GTF3C1: variants seen among roughly 807,000 people sequenced by gnomAD.
The protein encoded by GTF3C1 is general transcription factor 3C polypeptide 1.
GTF3C1 carries 57 observed loss-of-function variants against 226.7 expected under a neutral mutation model. The observed-to-expected ratio is 0.25, with a 90% confidence interval of 0.20 to 0.31. GTF3C1 has a LOEUF of 0.31. Ranked by LOEUF, GTF3C1 falls within the 10% of genes least tolerant of loss-of-function variation. The probability of loss-of-function intolerance (pLI) is 1.00; values close to 1 mark genes in which losing one functional copy is unlikely to be tolerated. For synonymous variants in GTF3C1, 1,090 were observed against 1,084.8 expected (o/e 1.00, Z -0.09); for missense variants, 2,217 against 2,776.1 (o/e 0.80, Z 4.53).
chr16:27,529,431 ACT>A (rs1212762933), intron 5 of GTF3C1, among the ~76,000 whole-genome samples: 1 of 144,594 alleles, frequency 6.9e-6, no homozygotes, highest in Non-Finnish European at 1.5e-5. Context: ...ACAGAGTGAG[ACT>A]CTGTTTCAAA....
chr16:27,464,519 T>G lies in GTF3C1; in HGVS notation c.5673A>C (p.Ser1891=). 6.6e-7 allele frequency: 1 copy of G among 1,521,942 alleles called. No homozygotes were observed. The highest frequency in any genetic ancestry group is 1.3e-5 in the South Asian group (1 of 76,432). The allele number at this position is 1,521,942 out of a possible 1,614,324, so 94.3% of individuals were successfully genotyped here. The change falls in exon 34 of 37, where the codon TCA becomes TCC. Residue 1891 remains serine, a synonymous_variant. Transcript: ENST00000356183. ...CGGGCCCAAGGCTGGGGGCCAAATT[T>G]GAGTCCTGGAGCGCTGGCCTCTTGG... ...TPAKRPALQD[S]NLAPSLGPGA...
chr16:27,469,540 C>A lies in GTF3C1; in HGVS notation c.4825G>T (p.Asp1609Tyr). Residue 1609 changes from aspartate (D) to tyrosine (Y), a missense_variant, in exon 32 of 37, where the codon GAC (aspartate) becomes TAC (tyrosine). Transcript: ENST00000356183. The surrounding 1 kb of genome is among the most constrained non-coding windows in gnomAD (Gnocchi z 4.5). ...ENEVIKSLGK[D>Y]GSLEDDEDEE... Reference sequence around the variant, plus strand: ...TCCTCGTCATCCTCCAGGCTGCCGTCCTTCCCCAAGCTAGAAGGGAATTGT... The same window carrying A: ...TCCTCGTCATCCTCCAGGCTGCCGTACTTCCCCAAGCTAGAAGGGAATTGT... 1 of 1,610,582 alleles carries A rather than the reference C, an allele frequency of 6.2e-7. No individual in the cohort carries two copies. Among genetic ancestry groups the A allele is most frequent in the African/African-American group, 1.3e-5 (1 of 74,976 alleles).
At position 27,461,532 on chromosome 16, in the gene GTF3C1, G is replaced by A. The variant is rs765662754; in HGVS notation, c.6148C>T (p.Arg2050Cys). ...GLESLGCIRK[R>C]WLRKPRPVSL... ...ACAGGCCTTGGCTTTCTCAGCCAGCGCTTCCGGATGCAGCCGAGGGACTCC... is the reference window on the plus strand; with the variant it reads ...ACAGGCCTTGGCTTTCTCAGCCAGCACTTCCGGATGCAGCCGAGGGACTCC... The change falls in exon 37 of 37, where the codon CGC (arginine) becomes TGC (cysteine). Residue 2050 changes from arginine to cysteine, a missense_variant. Arg to Cys is a radical substitution (Grantham distance 180, BLOSUM62 -3). Coordinates refer to ENST00000356183, the MANE Select transcript of GTF3C1 (RefSeq NM_001520.4). This position sits in a 1 kb window ranked among gnomAD's most constrained non-coding sequence, Gnocchi z 5.3. The A allele has an allele frequency of 2.8e-5, 45 of 1,613,686 alleles. No homozygotes were observed. In the East Asian group the frequency reaches 3.8e-4, roughly 14 times the overall value.
intron 5 of GTF3C1, among the ~76,000 whole-genome samples, chr16:27,530,950 G>C (rs555024982): frequency 6.6e-6 from 1 of 152,254 alleles, no homozygotes; most frequent in Non-Finnish European, 1.5e-5. Flanking sequence ...ACCACGTCCT[G>C]TTAGTTTCAC....
intron 10 of GTF3C1, among the ~76,000 whole-genome samples, chr16:27,503,803 C>T (rs1485222002): frequency 6.6e-6 from 1 of 152,152 alleles, no homozygotes; most frequent in Non-Finnish European, 1.5e-5. Flanking sequence ...AAGTCAATGC[C>T]TTATGGTAGC....
At chr16:27,486,235 A>C (rs1336091863) in intron 23 of GTF3C1, 81 bp from the exon 24 acceptor site, 820 of 747,908 alleles carry the variant, frequency 1.1e-3, no homozygotes, top group East Asian at 6.6e-4. Flanking sequence ...CAGGTTCCCT[A>C]CCCAGCCAGT....
intron 5 of GTF3C1, among the ~76,000 whole-genome samples, chr16:27,528,945 C>T (rs928648856): frequency 6.6e-6 from 1 of 152,118 alleles, no homozygotes; most frequent in Non-Finnish European, 1.5e-5. Flanking sequence ...AGATTCGCTT[C>T]GCCAGATCCT....
Position 27,463,385 on chromosome 16 carries a change from G to A in GTF3C1, c.5924+156C>T, listed in dbSNP as rs1057022518. Reference sequence around the variant, plus strand: ...AGCACGCCTGCTGCTCGCCCACTGCGCCCCTCCAAGTACCCCTGCCAAGAA... The same window carrying A: ...AGCACGCCTGCTGCTCGCCCACTGCACCCCTCCAAGTACCCCTGCCAAGAA... On this transcript the variant is annotated intron_variant, in intron 35 of 36. Coordinates refer to ENST00000356183, the MANE Select transcript of GTF3C1 (RefSeq NM_001520.4). This position sits in a 1 kb window ranked among gnomAD's most constrained non-coding sequence, Gnocchi z 4.9. 2.0e-5 allele frequency: 13 copies of A among 663,678 alleles called. No homozygotes were observed. The highest frequency in any genetic ancestry group is 1.3e-4 in the African/African-American group (7 of 55,374). The allele number at this position is 663,678 out of a possible 1,614,324, so 41.1% of individuals were successfully genotyped here. A position where few individuals can be genotyped will look rare whatever the true frequency, so the allele number is the denominator to read the frequency against.
Position 27,494,842 on chromosome 16 carries a change from A to C in GTF3C1, c.2699T>G (p.Phe900Cys). 6.2e-7 allele frequency: 1 copy of C among 1,612,920 alleles called. No homozygotes were observed. The highest frequency in any genetic ancestry group is 8.5e-7 in the Non-Finnish European group (1 of 1,178,882). The change falls in exon 16 of 37, where the codon TTT (phenylalanine) becomes TGT (cysteine). Residue 900 changes from phenylalanine (F) to cysteine (C), a missense_variant. Physicochemically the swap from Phe to Cys is radical, Grantham distance 205 (BLOSUM62 -2). Around this residue, in one of 12 missense-constraint regions of GTF3C1, gnomAD observed 353 missense variants for 411.7 expected, o/e 0.86. Transcript: ENST00000356183. ...GATGTCGCTGACGAGAGCCCAGCCAAAGCCGAAGTCCCTGTGGACTGGGAT... is the reference window on the plus strand; with the variant it reads ...GATGTCGCTGACGAGAGCCCAGCCACAGCCGAAGTCCCTGTGGACTGGGAT... ...PPIPVHRDFG[F>C]GWALVSDILL...
Position 27,533,279 on chromosome 16 carries a change from C to G in GTF3C1, c.849+12G>C. On this transcript the variant is annotated intron_variant, in intron 5 of 36. Transcript: ENST00000356183. The stretch of plus-strand genomic sequence containing the variant: ...CACACCCAGCCCCGCCCGTGGGAAA[C>G]CCCAGGCTCACCAGCTCTTCCCTCA... The G allele has an allele frequency of 6.8e-7, 1 of 1,460,550 alleles. No homozygotes were observed. The highest frequency in any genetic ancestry group is 1.1e-5 in the South Asian group (1 of 88,090). The allele number at this position is 1,460,550 out of a possible 1,614,324, so 90.5% of individuals were successfully genotyped here. A position where few individuals can be genotyped will look rare whatever the true frequency, so the allele number is the denominator to read the frequency against.
chr16:27,503,058 A>C, intron 10 of GTF3C1, 63 bp from the exon 11 acceptor site: 1 of 1,314,860 alleles, frequency 7.6e-7, no homozygotes, highest in Non-Finnish European at 1.1e-6. Context: ...GCCACGCACC[A>C]CACCTGTGGG....
chr16:27,469,187 C>A lies in GTF3C1; in HGVS notation c.5074+104G>T, dbSNP rs1169645564. The A allele has an allele frequency of 3.3e-6, 4 of 1,206,676 alleles. No homozygotes were observed. Among genetic ancestry groups the A allele is most frequent in the Non-Finnish European group, 4.5e-6 (4 of 881,728 alleles). The allele number at this position is 1,206,676 out of a possible 1,614,324, so 74.7% of individuals were successfully genotyped here. A position where few individuals can be genotyped will look rare whatever the true frequency, so the allele number is the denominator to read the frequency against. On this transcript the variant is annotated intron_variant, in intron 32 of 36. Coordinates refer to ENST00000356183, the MANE Select transcript of GTF3C1 (RefSeq NM_001520.4). The surrounding 1 kb of genome is among the most constrained non-coding windows in gnomAD (Gnocchi z 4.5). ...TTTCTGTGTGTTCTGTGGCTGCACG[C>A]CTGGCCTGGGGAGCCTGAAGGTCTA... is the stretch of plus-strand genomic sequence containing the variant.
In GTF3C1 at chr16:27,462,075, C is replaced by T. The variant is rs966543823; in HGVS notation, c.6117+219G>A. The T allele has an allele frequency of 8.7e-6, 5 of 572,516 alleles. No individual in the cohort carries two copies. Among genetic ancestry groups the T allele is most frequent in the South Asian group, 2.2e-5 (1 of 44,476 alleles). The allele number at this position is 572,516 out of a possible 1,614,324, so 35.5% of individuals were successfully genotyped here. ...ACAGAGAAAGCATCAGAGACAAGCA[C>T]CCCGGGCACCCCATCTTCCAGCCTG... On this transcript the variant is annotated intron_variant, in intron 36 of 36. Transcript: ENST00000356183. This position sits in a 1 kb window ranked among gnomAD's most constrained non-coding sequence, Gnocchi z 4.5.
chr16:27,489,733 G>A lies in GTF3C1; in HGVS notation c.3162C>T (p.Arg1054=), dbSNP rs1567394490. The change falls in exon 20 of 37, where the codon CGC becomes CGT. Residue 1054 remains arginine (R), a synonymous_variant. Transcript: ENST00000356183. Reference sequence around the variant, plus strand: ...TGCTGTTCTTCCTGACGCGCGGGCAGCGCACCACGCCTGGAAAACCAAACA... The same window carrying A: ...TGCTGTTCTTCCTGACGCGCGGGCAACGCACCACGCCTGGAAAACCAAACA... ...VCLNTPLGVV[R]CPRVRKNSST... 4 of 1,611,260 alleles carry A rather than the reference G, an allele frequency of 2.5e-6. No homozygotes were observed. Among genetic ancestry groups the A allele is most frequent in the Non-Finnish European group, 3.4e-6 (4 of 1,179,698 alleles).
rs1343111977 is a variant in GTF3C1 at position 27,465,464 on chromosome 16, T to C, written c.5151A>G (p.Glu1717=). The C allele has an allele frequency of 1.9e-6, 3 of 1,611,192 alleles. No homozygotes were observed. In the Admixed American group the frequency reaches 5.0e-5, roughly 27 times the overall value. ...DTFTKLINPQ[E]NTCSLEEFVL... ...CAAACTCCTCCAAGCTGCAGGTGTT[T>C]TCCTGGGGGTTTATCAGCTTGGTGA... Residue 1717 remains glutamate (E), a synonymous_variant, in exon 33 of 37, where the codon GAA becomes GAG. Coordinates refer to ENST00000356183, the MANE Select transcript of GTF3C1 (RefSeq NM_001520.4).
At position 27,505,967 on chromosome 16, in the gene GTF3C1, A is replaced by C; in HGVS notation, c.1702T>G (p.Ser568Ala). The C allele has an allele frequency of 6.2e-7, 1 of 1,613,486 alleles. No homozygotes were observed. The highest frequency in any genetic ancestry group is 8.5e-7 in the Non-Finnish European group (1 of 1,179,380). ...CCACTGTTGCTGTCCGCACAGTGGGAGACAAAGGACACGTTGGGTTCTGAG... is the reference window on the plus strand; with the variant it reads ...CCACTGTTGCTGTCCGCACAGTGGGCGACAAAGGACACGTTGGGTTCTGAG... ...SVSEPNVSFVSHCADSNSGDI... is the reference protein window; with the variant it reads ...SVSEPNVSFVAHCADSNSGDI... The change falls in exon 10 of 37, where the codon TCC (serine) becomes GCC (alanine). Residue 568 changes from serine (S) to alanine (A), a missense_variant. Transcript: ENST00000356183.
chr16:27,461,284 G>T lies in GTF3C1; in HGVS notation c.*66C>A. 9.3e-7 allele frequency: 1 copy of T among 1,071,456 alleles called. No homozygotes were observed. The highest frequency in any genetic ancestry group is 1.4e-6 in the Non-Finnish European group (1 of 718,042). The allele number at this position is 1,071,456 out of a possible 1,614,324, so 66.4% of individuals were successfully genotyped here. A position where few individuals can be genotyped will look rare whatever the true frequency, so the allele number is the denominator to read the frequency against. On this transcript the variant is annotated 3_prime_UTR_variant, in exon 37 of 37. Transcript: ENST00000356183. This position sits in a 1 kb window ranked among gnomAD's most constrained non-coding sequence, Gnocchi z 5.3. Reference sequence around the variant, plus strand: ...CCAAGGCCAGGGCACAGTGGGGTCTGCCGAGCACCAGGCAGGAGTGGTGTG... The same window carrying T: ...CCAAGGCCAGGGCACAGTGGGGTCTTCCGAGCACCAGGCAGGAGTGGTGTG...
In GTF3C1 at chr16:27,492,747, C is replaced by T. The variant is rs186152202; in HGVS notation, c.2877-34G>A. 3.1e-4 allele frequency: 369 copies of T among 1,180,644 alleles called. 4 individuals are homozygous for T. In the African/African-American group the frequency reaches 4.6e-3, roughly 15 times the overall value. The allele number at this position is 1,180,644 out of a possible 1,614,324, so 73.1% of individuals were successfully genotyped here. ...CAGAGGGGGCGGGAGGTTCTCATCA[C>T]ACCACACTCGCAGCCGGCCGCAGGG... On this transcript the variant is annotated intron_variant, in intron 17 of 36. Transcript: ENST00000356183. This position sits in a 1 kb window ranked among gnomAD's most constrained non-coding sequence, Gnocchi z 5.0.
chr16:27,494,746 G>A lies in GTF3C1; in HGVS notation c.2778+17C>T, dbSNP rs1349144949. On this transcript the variant is annotated intron_variant, in intron 16 of 36. Transcript: ENST00000356183. ...CTGAGGGGCAATTCCTGTGATAATG[G>A]CTCCTGTCACCAATACCTTGTAGCT... is the stretch of plus-strand genomic sequence containing the variant. 6.3e-7 allele frequency: 1 copy of A among 1,598,904 alleles called. No homozygotes were observed. Among genetic ancestry groups the A allele is most frequent in the East Asian group, 2.2e-5 (1 of 44,822 alleles).
Sources: allele counts gnomAD v4.1 joint callset (sites outside exome capture counted in the v4.1 genomes callset), GRCh38; gene constraint gnomAD v4.1.1; regional missense constraint gnomAD v4.1.1; non-coding constraint Gnocchi (gnomAD v3.1); transcripts MANE v1.5; gene names NCBI Gene and HGNC (gene_info 2026-07-23, HGNC 2026-07-21).